NCAM2: variants seen among roughly 807,000 people sequenced by gnomAD.
The protein encoded by NCAM2 is neural cell adhesion molecule 2, also known as N-CAM-2.
A neutral mutation model predicts 98.1 loss-of-function variants in NCAM2; 30 were observed. The observed-to-expected ratio is 0.31, with a 90% confidence interval of 0.23 to 0.41. The LOEUF (loss-of-function observed/expected upper bound fraction) is 0.41, where lower values mean the gene tolerates loss of function less well. NCAM2 is among the 10% of genes least tolerant of loss of function. The probability of loss-of-function intolerance (pLI) is 1.00; values close to 1 mark genes in which losing one functional copy is unlikely to be tolerated. For missense variants in NCAM2, 867 were observed against 1,005.8 expected, an observed-to-expected ratio of 0.86 and a Z score of 1.87; for synonymous variants, 368 against 342.4, an observed-to-expected ratio of 1.07 and a Z score of -0.83.
chr21:21,465,526 A>G (rs1983566744), intron 12 of NCAM2, among the ~76,000 whole-genome samples: 1 of 141,786 alleles, frequency 7.1e-6, no homozygotes, highest in African/African-American at 2.7e-5. Context: ...CATATAATAC[A>G]GAGAATATGT....
At chr21:21,008,636 G>T (rs1374689423) in intron 1 of NCAM2, among the ~76,000 whole-genome samples, 1 of 152,084 alleles carries the variant, frequency 6.6e-6, no homozygotes, top group African/African-American at 2.4e-5. Flanking sequence ...TTTACTTAAA[G>T]GTTTGTTTTA....
rs148988782 is a variant in NCAM2 at position 21,403,223 on chromosome 21, G to A, written c.1196-7051G>A. Among the ~76,000 whole-genome samples, 4 of 152,174 alleles carry A rather than the reference G, an allele frequency of 2.6e-5. No individual in the cohort carries two copies. The East Asian group carries it at 7.7e-4, about 29-fold the overall frequency. Reference sequence around the variant, plus strand: ...AAGTTGTGAGAAGCACTATGCCTGGGACATTTTAACTGCTCACAAAATAGT... The same window carrying A: ...AAGTTGTGAGAAGCACTATGCCTGGAACATTTTAACTGCTCACAAAATAGT... On this transcript the variant is annotated intron_variant, in intron 9 of 17. Coordinates refer to ENST00000400546, the MANE Select transcript of NCAM2 (RefSeq NM_004540.5).
chr21:21,457,209 C>T (rs1022330215), intron 12 of NCAM2, among the ~76,000 whole-genome samples: 1 of 152,158 alleles, frequency 6.6e-6, no homozygotes, highest in Non-Finnish European at 1.5e-5. Context: ...CATAGAAAGT[C>T]TCAGTATTCT....
intron 3 of NCAM2, among the ~76,000 whole-genome samples, chr21:21,285,270 A>T (rs1451499968): frequency 6.6e-6 from 1 of 151,846 alleles, no homozygotes; most frequent in African/African-American, 2.4e-5. Context: ...ATCATCTCAT[A>T]TCTGTAGCTT....
intron 9 of NCAM2, among the ~76,000 whole-genome samples, chr21:21,406,606 T>C (rs2076743392): frequency 6.6e-6 from 1 of 152,172 alleles, no homozygotes; most frequent in Admixed American, 6.6e-5. Context: ...AGGAGATCTT[T>C]TTCTCCACCT....
At chr21:21,063,246 A>G (rs1479252599) in intron 1 of NCAM2, among the ~76,000 whole-genome samples, 4 of 100,832 alleles carry the variant, frequency 4.0e-5, no homozygotes, top group Non-Finnish European at 7.1e-5. Flanking sequence ...TTTGAGCCGG[A>G]GTCTCACTCT....
At chr21:21,152,014 G>A (rs1290500828) in intron 1 of NCAM2, among the ~76,000 whole-genome samples, 1 of 151,864 alleles carries the variant, frequency 6.6e-6, no homozygotes, top group African/African-American at 2.4e-5. Context: ...TTAATAAAAT[G>A]TGGAAATTTT....
intron 1 of NCAM2, among the ~76,000 whole-genome samples, chr21:21,274,118 T>C (rs1601836619): frequency 6.6e-6 from 1 of 150,912 alleles, no homozygotes; most frequent in East Asian, 1.9e-4. Flanking sequence ...TGAGCTGAGA[T>C]CGCACCATTG....
In NCAM2 at chr21:21,467,167, A is replaced by G. The variant is rs1346716493; in HGVS notation, c.1774+442A>G. On this transcript the variant is annotated intron_variant, in intron 13 of 17. Coordinates refer to ENST00000400546, the MANE Select transcript of NCAM2 (RefSeq NM_004540.5). ...AAAGGAATCATTATGTTAATTCATT[A>G]AAACAGTGACTGCAGGAGAAGCCTT... Among the ~76,000 whole-genome samples, 3 of 151,906 alleles carry G rather than the reference A, an allele frequency of 2.0e-5. No individual in the cohort carries two copies. In the East Asian group the frequency reaches 5.8e-4, roughly 29 times the overall value.
intron 1 of NCAM2, among the ~76,000 whole-genome samples, chr21:21,217,948 A>G (rs2069973816): frequency 6.6e-6 from 1 of 152,312 alleles, no homozygotes; most frequent in South Asian, 2.1e-4. Context: ...CCACAACCAC[A>G]TAGAACCAAA....
chr21:21,453,022 TAATATATAAAA>T (rs1981539644), intron 12 of NCAM2, among the ~76,000 whole-genome samples: 18 of 107,978 alleles, frequency 1.7e-4, no homozygotes, highest in South Asian at 1.2e-3. Context: ...TAAAAATATA[TAATATATAAAA>T]ATAATATATA....
intron 5 of NCAM2, among the ~76,000 whole-genome samples, chr21:21,321,823 C>T (rs965801027): frequency 2.6e-5 from 4 of 151,966 alleles, no homozygotes; most frequent in African/African-American, 4.8e-5. Context: ...TAACAGGTGC[C>T]GTCAAGACTT....
intron 1 of NCAM2, among the ~76,000 whole-genome samples, chr21:21,081,152 G>A (rs2065789805): frequency 6.6e-6 from 1 of 152,100 alleles, no homozygotes; most frequent in African/African-American, 2.4e-5. Flanking sequence ...GTTTACTAGA[G>A]TTGTACGCAT....
chr21:21,249,796 A>G (rs1165660421), intron 1 of NCAM2, among the ~76,000 whole-genome samples: 2 of 152,216 alleles, frequency 1.3e-5, no homozygotes, highest in Non-Finnish European at 2.9e-5. Flanking sequence ...TAATATGAAT[A>G]AACTGTTCAT....
At chr21:21,505,073 G>A (rs1463331002) in intron 15 of NCAM2, among the ~76,000 whole-genome samples, 3 of 151,814 alleles carry the variant, frequency 2.0e-5, no homozygotes, top group Non-Finnish European at 2.9e-5. Context: ...CCTCTGCAAT[G>A]ACAAAAAGAT....
At chr21:21,174,302 A>G (rs1446210430) in intron 1 of NCAM2, among the ~76,000 whole-genome samples, 9 of 152,194 alleles carry the variant, frequency 5.9e-5, no homozygotes, top group Admixed American at 5.9e-4. Flanking sequence ...TAGATTTAAC[A>G]AATAAAACAC....
At chr21:21,389,000 T>C (rs575920442) in intron 9 of NCAM2, among the ~76,000 whole-genome samples, 1 of 152,336 alleles carries the variant, frequency 6.6e-6, no homozygotes, top group African/African-American at 2.4e-5. Context: ...CAAGCAAAAG[T>C]GTGTAATCCT....
chr21:21,027,836 C>G (rs1281649799), intron 1 of NCAM2, among the ~76,000 whole-genome samples: 2 of 151,292 alleles, frequency 1.3e-5, no homozygotes, highest in Non-Finnish European at 2.9e-5. Flanking sequence ...GCCCTTTCCT[C>G]TGAATTATAA....
At position 21,407,046 on chromosome 21, in the gene NCAM2, T is replaced by C. The variant is rs551747902; in HGVS notation, c.1196-3228T>C. On this transcript the variant is annotated intron_variant, in intron 9 of 17. Transcript: ENST00000400546. ...TCCTCTGTACATTTGAAACCTTTCA[T>C]GATGTAAAGGGCCTTCCTGATTTTG... is the stretch of plus-strand genomic sequence containing the variant. Among the ~76,000 whole-genome samples the C allele has an allele frequency of 3.3e-5, 5 of 152,288 alleles. No individual in the cohort carries two copies. The East Asian group carries it at 9.7e-4, about 29-fold the overall frequency.
Sources: gnomAD v4.1 joint callset for allele counts (sites outside exome capture counted in the v4.1 genomes callset) on GRCh38, gnomAD v4.1.1 for gene constraint, MANE v1.5 for transcripts, NCBI Gene and HGNC (gene_info 2026-07-23, HGNC 2026-07-21) for gene names.